SGCD: variants seen among roughly 807,000 people sequenced by gnomAD.
SGCD encodes the protein delta-sarcoglycan.
A neutral mutation model predicts 36.6 loss-of-function variants in SGCD; 18 were observed. The observed-to-expected ratio is 0.49, with a 90% CI of 0.34 to 0.73. The LOEUF (loss-of-function observed/expected upper bound fraction) is 0.73, where lower values mean the gene tolerates loss of function less well. SGCD is among the 30% of genes least tolerant of loss of function. The probability of loss-of-function intolerance (pLI) is 0.01; values close to 1 mark genes in which losing one functional copy is unlikely to be tolerated. For missense variants in SGCD, 387 were observed against 346.7 expected (o/e 1.12, Z -0.92); for synonymous variants, 133 against 130.6 (o/e 1.02, Z -0.12).
chr5:156,308,932 A>G (rs1767312260), intron 3 of SGCD, among the ~76,000 whole-genome samples: 1 of 152,324 alleles, frequency 6.6e-6, no homozygotes, highest in East Asian at 1.9e-4. Context: ...AAAATATTAC[A>G]TACTTAGGTA....
At chr5:156,632,910 A>C (rs1308492133) in intron 6 of SGCD, among the ~76,000 whole-genome samples, 1 of 152,158 alleles carries the variant, frequency 6.6e-6, no homozygotes, top group African/African-American at 2.4e-5. Context: ...AACAGAATCC[A>C]CCCCAGCTAG....
intron 3 of SGCD, among the ~76,000 whole-genome samples, chr5:156,358,951 T>A (rs966576148): frequency 6.6e-6 from 1 of 152,152 alleles, no homozygotes; most frequent in East Asian, 1.9e-4. Context: ...TACCTTATGC[T>A]GTTGAACATT....
the SGCD span, among the ~76,000 whole-genome samples, chr5:155,758,745 A>G: frequency 6.6e-6 from 1 of 152,088 alleles, no homozygotes; most frequent in Admixed American, 6.5e-5. Flanking sequence ...CACCACCCCG[A>G]CCCAGCCCAG....
chr5:156,405,897 G>T (rs1035111635), intron 3 of SGCD, among the ~76,000 whole-genome samples: 1 of 151,646 alleles, frequency 6.6e-6, no homozygotes, highest in African/African-American at 2.4e-5. Flanking sequence ...CTTTTGAGTT[G>T]ATGGATTTTA....
At chr5:155,748,511 A>C in the SGCD span, among the ~76,000 whole-genome samples, 1 of 152,098 alleles carries the variant, frequency 6.6e-6, no homozygotes, top group Non-Finnish European at 1.5e-5. Flanking sequence ...TCAAGTACAA[A>C]TTGCTGAGCC....
chr5:156,067,770 G>C (rs1208396618), intron 1 of SGCD, among the ~76,000 whole-genome samples: 3 of 135,898 alleles, frequency 2.2e-5, no homozygotes, highest in Non-Finnish European at 4.5e-5. Flanking sequence ...GCGCTTCCCA[G>C]GTGAGGCAAT....
chr5:156,680,124 T>C (rs1269727199), intron 7 of SGCD, among the ~76,000 whole-genome samples: 1 of 152,174 alleles, frequency 6.6e-6, no homozygotes, highest in Non-Finnish European at 1.5e-5. Flanking sequence ...TTATTAATAA[T>C]AGGAGTTGAA....
chr5:156,296,286 A>G (rs920227713), intron 3 of SGCD, among the ~76,000 whole-genome samples: 1 of 152,186 alleles, frequency 6.6e-6, no homozygotes, highest in Non-Finnish European at 1.5e-5. Flanking sequence ...ACCTTGAGGA[A>G]CTGGAAGGAG....
chr5:156,164,383 C>CA, intron 3 of SGCD, among the ~76,000 whole-genome samples: 1 of 152,040 alleles, frequency 6.6e-6, no homozygotes, highest in East Asian at 1.9e-4. Context: ...ATGTGAATGC[C>CA]TTTTTTTTCC....
chr5:156,567,268 C>G (rs10055481), intron 4 of SGCD, among the ~76,000 whole-genome samples: 6,298 of 149,884 alleles, frequency 0.042, 428 homozygotes, highest in African/African-American at 0.15. Flanking sequence ...AGAAAGAGAA[C>G]CAATAGAGTG....
At chr5:156,092,721 C>A (rs934273032) in intron 1 of SGCD, among the ~76,000 whole-genome samples, 1 of 152,158 alleles carries the variant, frequency 6.6e-6, no homozygotes, top group Non-Finnish European at 1.5e-5. Context: ...AGTGTAATTG[C>A]TGCTTCTCAG....
intron 3 of SGCD, among the ~76,000 whole-genome samples, chr5:156,496,744 A>G (rs955632726): frequency 1.3e-5 from 2 of 152,118 alleles, no homozygotes; most frequent in Admixed American, 6.6e-5. Flanking sequence ...TAGCCAAACC[A>G]ATCATATGTA....
upstream of SGCD, among the ~76,000 whole-genome samples, chr5:155,865,926 A>G (rs1441863164): frequency 6.6e-6 from 1 of 152,236 alleles, no homozygotes; most frequent in Non-Finnish European, 1.5e-5. Context: ...CATTTTCAAG[A>G]AAATGTTTAC....
At chr5:156,028,004 A>T (rs1759262706) in intron 1 of SGCD, among the ~76,000 whole-genome samples, 1 of 152,160 alleles carries the variant, frequency 6.6e-6, no homozygotes, top group African/African-American at 2.4e-5. Context: ...CTTTAATAAG[A>T]TGTGAATCCC....
At chr5:156,282,046 C>A (rs1248939469) in intron 3 of SGCD, among the ~76,000 whole-genome samples, 2 of 151,960 alleles carry the variant, frequency 1.3e-5, no homozygotes, top group Non-Finnish European at 1.5e-5. Flanking sequence ...AAAAAAACTT[C>A]TGTTCTCCAG....
chr5:155,854,114 T>G, the SGCD span, among the ~76,000 whole-genome samples: 2 of 152,322 alleles, frequency 1.3e-5, no homozygotes, highest in East Asian at 3.9e-4. Context: ...CCCTAGAGGT[T>G]TATGGCATTA....
intron 4 of SGCD, among the ~76,000 whole-genome samples, chr5:156,522,816 C>CT (rs1757472213): frequency 6.7e-6 from 1 of 149,700 alleles, no homozygotes; most frequent in Admixed American, 6.7e-5. Context: ...AATGTTGGTT[C>CT]TTATTAAAGT....
At chr5:156,387,769 G>A (rs1024438077) in intron 3 of SGCD, among the ~76,000 whole-genome samples, 1 of 152,126 alleles carries the variant, frequency 6.6e-6, no homozygotes, top group Non-Finnish European at 1.5e-5. Context: ...CTTATTTAGG[G>A]GAATGTGCAT....
intron 1 of SGCD, among the ~76,000 whole-genome samples, chr5:155,993,833 T>C (rs1168420620): frequency 6.6e-6 from 1 of 152,162 alleles, no homozygotes; most frequent in Non-Finnish European, 1.5e-5. Flanking sequence ...AAGGCAGAAG[T>C]GCACAGCGTT....
Sources: gnomAD v4.1 joint callset for allele counts (sites outside exome capture counted in the v4.1 genomes callset) on GRCh38, gnomAD v4.1.1 for gene constraint, MANE v1.5 for transcripts, NCBI Gene and HGNC (gene_info 2026-07-23, HGNC 2026-07-21) for gene names.